Variants in ESRRG observed in about 807,000 individuals in gnomAD.
ESRRG encodes the protein estrogen-related receptor gamma.
In ESRRG, 13 loss-of-function variants were observed where a neutral mutation model predicts 44.0. That is an observed-to-expected ratio of 0.30 (90% CI 0.19 to 0.47). The LOEUF is 0.47. ESRRG is among the 20% of genes least tolerant of loss of function. The pLI is 1.00. For missense variants in ESRRG, 395 were observed against 580.6 expected (o/e 0.68, Z 3.29); for synonymous variants, 215 against 214.6 (o/e 1.00, Z -0.02).
chr1:217,053,038 G>A (rs2086340267), intron 1 of ESRRG, among the ~76,000 whole-genome samples: 1 of 149,346 alleles, frequency 6.7e-6, no homozygotes, highest in Non-Finnish European at 1.5e-5. Context: ...GCACAATGTT[G>A]TACACCTGTA....
At chr1:216,686,424 A>T (rs2077964697) in intron 1 of ESRRG, among the ~76,000 whole-genome samples, 1 of 139,196 alleles carries the variant, frequency 7.2e-6, no homozygotes, top group African/African-American at 2.7e-5. Flanking sequence ...TTGTAGCATG[A>T]CAGGTATTGT....
chr1:216,726,764 C>T (rs1213307172), upstream of ESRRG, among the ~76,000 whole-genome samples: 1 of 152,126 alleles, frequency 6.6e-6, no homozygotes, highest in Non-Finnish European at 1.5e-5. Context: ...CTTCCTTAAA[C>T]AATGCAGTCA....
At chr1:216,689,815 A>T (rs1242399096) in intron 1 of ESRRG, among the ~76,000 whole-genome samples, 1 of 149,822 alleles carries the variant, frequency 6.7e-6, no homozygotes. Context: ...AGATGAAAAA[A>T]CATAAGGTCA....
chr1:216,636,197 A>G (rs2065262004), intron 3 of ESRRG, among the ~76,000 whole-genome samples: 1 of 152,168 alleles, frequency 6.6e-6, no homozygotes, highest in South Asian at 2.1e-4. Flanking sequence ...TGCTATGTGG[A>G]ATAATGTGTT....
intron 2 of ESRRG, among the ~76,000 whole-genome samples, chr1:216,730,321 AAG>A (rs1553549412): frequency 3.9e-4 from 58 of 147,964 alleles, no homozygotes; most frequent in African/African-American, 1.2e-3. Flanking sequence ...AAAAAAAAAA[AAG>A]AAAGAAAAAG....
chr1:216,676,975 A>T, intron 2 of ESRRG, 101 bp downstream of exon 2: 1 of 822,400 alleles, frequency 1.2e-6, no homozygotes, highest in Non-Finnish European at 1.9e-6. Flanking sequence ...AGAGAGAATT[A>T]AAACTATGAT....
intron 2 of ESRRG, among the ~76,000 whole-genome samples, chr1:216,792,454 T>G (rs561241148): frequency 1.3e-5 from 2 of 152,264 alleles, no homozygotes; most frequent in South Asian, 4.1e-4. Flanking sequence ...CTTAGATACT[T>G]ACAGCCATCA....
At chr1:217,000,629 T>G (rs1046399270) in intron 1 of ESRRG, 2 of 152,236 alleles carry the variant, frequency 1.3e-5, no homozygotes, top group Non-Finnish European at 2.9e-5. Flanking sequence ...TGATCCTATA[T>G]AAAGCTTGAT....
intron 2 of ESRRG, among the ~76,000 whole-genome samples, chr1:216,829,812 C>T (rs935790700): frequency 2.6e-5 from 4 of 152,126 alleles, no homozygotes; most frequent in African/African-American, 9.7e-5. Flanking sequence ...CCTCGGCCTC[C>T]CAAAGTGCTG....
Position 216,519,414 on chromosome 1 carries a change from G to A in ESRRG, c.870C>T (p.Ser290=). The change falls in exon 6 of 7, where the codon TCC becomes TCT. Residue 290 remains serine, a synonymous_variant. Coordinates refer to ENST00000408911, the MANE Select transcript of ESRRG (RefSeq NM_001438.4). ...IGWAKHIPGF[S]TLSLADQMSL... The stretch of plus-strand genomic sequence containing the variant: ...TCATCTGGTCCGCCAGGGACAGCGT[G>A]GAGAAGCCTGCATGGAAAGATGGGC... 1 of 1,605,248 alleles carries A rather than the reference G, an allele frequency of 6.2e-7. No homozygotes were observed. The highest frequency in any genetic ancestry group is 1.1e-5 in the South Asian group (1 of 89,892).
At chr1:217,006,048 GGAATGGCTTTGAACTCATA>G (rs1370805685) in intron 1 of ESRRG, among the ~76,000 whole-genome samples, 40 of 152,000 alleles carry the variant, frequency 2.6e-4, no homozygotes, top group Admixed American at 2.0e-4. Flanking sequence ...AGTTTGAATT[GGAATGGCTTTGAACTCATA>G]GAATGGCTTT....
intron 3 of ESRRG, among the ~76,000 whole-genome samples, chr1:216,638,495 T>C (rs2065753733): frequency 6.6e-6 from 1 of 152,200 alleles, no homozygotes; most frequent in African/African-American, 2.4e-5. Flanking sequence ...TTTCAAGGGC[T>C]CAATCAATAG....
chr1:216,856,761 C>T (rs897102283), intron 2 of ESRRG, among the ~76,000 whole-genome samples: 6 of 152,136 alleles, frequency 3.9e-5, no homozygotes, highest in African/African-American at 1.4e-4. Context: ...AGGCTATTTT[C>T]CAACTGCAAA....
At chr1:216,952,338 T>C (rs575956223) in intron 1 of ESRRG, among the ~76,000 whole-genome samples, 1 of 152,228 alleles carries the variant, frequency 6.6e-6, no homozygotes, top group Non-Finnish European at 1.5e-5. Context: ...TCATAGCTAA[T>C]TGCCCATATT....
chr1:216,923,258 T>C (rs2062057237), intron 2 of ESRRG, among the ~76,000 whole-genome samples: 1 of 152,222 alleles, frequency 6.6e-6, no homozygotes, highest in South Asian at 2.1e-4. Context: ...AGATTCTCAG[T>C]GCCATTCTTA....
At chr1:216,942,037 C>G (rs909955035) in intron 1 of ESRRG, among the ~76,000 whole-genome samples, 5 of 152,108 alleles carry the variant, frequency 3.3e-5, no homozygotes, top group Non-Finnish European at 7.4e-5. Flanking sequence ...TAGTACCGGA[C>G]AGAAAGTTTT....
At chr1:216,822,809 T>C (rs1051881647) in intron 2 of ESRRG, among the ~76,000 whole-genome samples, 1 of 152,202 alleles carries the variant, frequency 6.6e-6, no homozygotes, top group African/African-American at 2.4e-5. Context: ...ATCTCAGTAT[T>C]ATTTGGAACC....
At chr1:217,034,297 T>C (rs2082507145) in intron 1 of ESRRG, among the ~76,000 whole-genome samples, 1 of 152,180 alleles carries the variant, frequency 6.6e-6, no homozygotes, top group African/African-American at 2.4e-5. Flanking sequence ...TCTACATAAA[T>C]AAAAATGGTA....
At chr1:216,717,147 A>G (rs1011461313) in intron 1 of ESRRG, among the ~76,000 whole-genome samples, 1 of 151,960 alleles carries the variant, frequency 6.6e-6, no homozygotes, top group African/African-American at 2.4e-5. Flanking sequence ...ACAACACTCA[A>G]TAAATCTAAA....
Sources: allele counts gnomAD v4.1 joint callset (sites outside exome capture counted in the v4.1 genomes callset), GRCh38; gene constraint gnomAD v4.1.1; transcripts MANE v1.5; gene names NCBI Gene and HGNC (gene_info 2026-07-23, HGNC 2026-07-21).